FAM20C: variants seen among roughly 807,000 people sequenced by gnomAD.
FAM20C encodes FAM20C golgi associated secretory pathway kinase, also known as extracellular serine/threonine protein kinase FAM20C.
In FAM20C, 40 loss-of-function variants were observed where a neutral mutation model predicts 51.5. That is an observed-to-expected ratio of 0.78 (90% CI 0.60 to 1.01). The LOEUF is 1.01. Ranked by LOEUF, FAM20C falls within the 50% of genes least tolerant of loss-of-function variation. The pLI is 0.00. For missense variants in FAM20C, 861 were observed against 844.7 expected, an observed-to-expected ratio of 1.02 and a Z score of -0.24; for synonymous variants, 406 against 380.6, an observed-to-expected ratio of 1.07 and a Z score of -0.78.
At chr7:212,224 A>C (rs1786755738) in intron 3 of FAM20C, among the ~76,000 whole-genome samples, 1 of 152,228 alleles carries the variant, frequency 6.6e-6, no homozygotes, top group Admixed American at 6.5e-5. Context: ...GCACTTCGGG[A>C]GGCCGAGGCT....
chr7:196,152 C>T (rs1304312057), intron 2 of FAM20C, among the ~76,000 whole-genome samples: 1 of 152,182 alleles, frequency 6.6e-6, no homozygotes, highest in Non-Finnish European at 1.5e-5. Flanking sequence ...GGTGGGGAGA[C>T]AGCCATGAGC....
intron 4 of FAM20C, 35 bp downstream of exon 4, chr7:246,542 C>T (rs1182751709): frequency 4.7e-6 from 6 of 1,278,068 alleles, no homozygotes; most frequent in Admixed American, 2.6e-5. Context: ...TCCGCGCTCC[C>T]GTGCGCTCAG....
chr7:218,789 C>T (rs958582775), intron 3 of FAM20C, among the ~76,000 whole-genome samples: 3 of 152,158 alleles, frequency 2.0e-5, no homozygotes, highest in East Asian at 1.9e-4. Flanking sequence ...CCCGTCCGGC[C>T]GGGAGCTGAC....
Position 259,867 on chromosome 7 carries a change from C to T in FAM20C, c.1642C>T (p.Arg548Trp), listed in dbSNP as rs1053394665. 23 of 1,536,170 alleles carry T rather than the reference C, an allele frequency of 1.5e-5. 1 individual carries two copies. Among genetic ancestry groups the T allele is most frequent in the Admixed American group, 5.9e-5 (3 of 50,982 alleles). The change falls in exon 10 of 10, where the codon CGG becomes TGG. Residue 548 changes from arginine to tryptophan, a missense_variant. Coordinates refer to ENST00000313766, the MANE Select transcript of FAM20C (RefSeq NM_020223.4). ...LYQPHLEALD[R>W]RLRVVLKAVR... ...CCAGCCGCACCTGGAGGCCCTGGACCGGCGGCTCCGCGTCGTGCTAAAGGC... is the reference window on the plus strand; with the variant it reads ...CCAGCCGCACCTGGAGGCCCTGGACTGGCGGCTCCGCGTCGTGCTAAAGGC...
intron 3 of FAM20C, among the ~76,000 whole-genome samples, chr7:242,417 C>T (rs983318321): frequency 1.4e-4 from 20 of 141,162 alleles, no homozygotes; most frequent in East Asian, 2.5e-4. Context: ...TTCCTGGAGG[C>T]GGTGGCCAGG....
At chr7:230,385 G>GGGGGGGGGA (rs56402190) in intron 3 of FAM20C, among the ~76,000 whole-genome samples, 1 of 104,538 alleles carries the variant, frequency 9.6e-6, no homozygotes, top group Admixed American at 9.8e-5. Flanking sequence ...GGGGGGGGGG[G>GGGGGGGGGA]AACAGATCCC....
intron 4 of FAM20C, among the ~76,000 whole-genome samples, chr7:246,882 C>T (rs1156352480): frequency 6.6e-6 from 1 of 152,172 alleles, no homozygotes; most frequent in Admixed American, 6.5e-5. Flanking sequence ...TCCTAATCAT[C>T]CCTCTGTCAC....
chr7:195,533 C>T (rs777667550), intron 1 of FAM20C, 21 bp from the exon 2 acceptor site: 65 of 1,508,750 alleles, frequency 4.3e-5, no homozygotes, highest in Non-Finnish European at 4.5e-5. Context: ...TGCTGATGTT[C>T]GTCCTCGCTG....
intron 2 of FAM20C, among the ~76,000 whole-genome samples, chr7:206,276 C>A (rs1213542107): frequency 1.3e-5 from 2 of 152,224 alleles, no homozygotes; most frequent in Admixed American, 1.3e-4. Context: ...GCTGCCGCAG[C>A]CCCAGCCTCT....
chr7:257,918 A>C (rs375681231), intron 8 of FAM20C, among the ~76,000 whole-genome samples: 1,375 of 35,690 alleles, frequency 0.039, 107 homozygotes, highest in Middle Eastern at 0.075. Context: ...CTGGGTGGAC[A>C]CACTGCCTGG....
In FAM20C at chr7:193,400, C is replaced by G. The variant is rs776532676; in HGVS notation, c.201C>G (p.Pro67=). Residue 67 remains proline (P), a synonymous_variant, in exon 1 of 10, where the codon CCC becomes CCG. Transcript: ENST00000313766. ...GCTGGGCCCAGGTTCGGGGCCGCCC[C>G]GGGGAGCCCCCGGCCGCCTCCTCCG... is the stretch of plus-strand genomic sequence containing the variant. ...APGWAQVRGR[P]GEPPAASSAA... is the part of the protein sequence containing the mutation. 2.1e-6 allele frequency: 3 copies of G among 1,397,754 alleles called. No homozygotes were observed. The highest frequency in any genetic ancestry group is 2.6e-5 in the Admixed American group (1 of 39,150). 86.6% of individuals were successfully genotyped at this position (1,397,754 alleles called of 1,614,324 possible). A position where few individuals can be genotyped will look rare whatever the true frequency, so the allele number is the denominator to read the frequency against.
intron 3 of FAM20C, among the ~76,000 whole-genome samples, chr7:226,800 G>A (rs538353695): frequency 1.3e-5 from 2 of 152,344 alleles, no homozygotes; most frequent in African/African-American, 4.8e-5. Context: ...CTGGCAGCTA[G>A]ACATTTCTTT....
intron 3 of FAM20C, among the ~76,000 whole-genome samples, chr7:220,063 C>T (rs974534194): frequency 6.6e-6 from 1 of 152,190 alleles, no homozygotes; most frequent in African/African-American, 2.4e-5. Flanking sequence ...GCCTGGCACT[C>T]AGGAGCTCCT....
chr7:228,805 G>A (rs976567793), intron 3 of FAM20C: 8 of 456,014 alleles, frequency 1.8e-5, no homozygotes, highest in Admixed American at 1.4e-4. Flanking sequence ...CGGCATGAGT[G>A]GGGTCCCGGG....
At chr7:232,427 C>T (rs1465927954) in intron 3 of FAM20C, among the ~76,000 whole-genome samples, 2 of 152,208 alleles carry the variant, frequency 1.3e-5, no homozygotes, top group Non-Finnish European at 2.9e-5. Context: ...ACGCGTGGCC[C>T]TGGGTCACTG....
chr7:199,256 C>T (rs570701601), intron 2 of FAM20C, among the ~76,000 whole-genome samples: 1 of 152,368 alleles, frequency 6.6e-6, no homozygotes, highest in South Asian at 2.1e-4. Flanking sequence ...GAGATAGCAG[C>T]CTCTGGCTAG....
intron 3 of FAM20C, among the ~76,000 whole-genome samples, chr7:226,073 G>A (rs1474475515): frequency 6.6e-6 from 1 of 152,214 alleles, no homozygotes; most frequent in Non-Finnish European, 1.5e-5. Flanking sequence ...AAGAAGCAGG[G>A]GTGATCTTGG....
At position 257,097 on chromosome 7, in the gene FAM20C, C is replaced by T. The variant is rs906937520; in HGVS notation, c.1445+11C>T. 9.1e-6 allele frequency: 14 copies of T among 1,536,470 alleles called. No homozygotes were observed. In the Admixed American group the frequency reaches 2.0e-4, roughly 22 times the overall value. ...AGACAATGGAAGAGGGTGAGCCTGTCCTCGCCCCTGCACACCCAGGGAAGG... is the reference window on the plus strand; with the variant it reads ...AGACAATGGAAGAGGGTGAGCCTGTTCTCGCCCCTGCACACCCAGGGAAGG... On this transcript the variant is annotated intron_variant, in intron 8 of 9. Coordinates refer to ENST00000313766, the MANE Select transcript of FAM20C (RefSeq NM_020223.4).
chr7:219,728 G>A (rs1787166240), intron 3 of FAM20C, among the ~76,000 whole-genome samples: 1 of 152,216 alleles, frequency 6.6e-6, no homozygotes, highest in African/African-American at 2.4e-5. Flanking sequence ...TAAGGACGGG[G>A]AGGGCAGGGG....
Sources: allele counts gnomAD v4.1 joint callset (sites outside exome capture counted in the v4.1 genomes callset), GRCh38; gene constraint gnomAD v4.1.1; transcripts MANE v1.5; gene names NCBI Gene and HGNC (gene_info 2026-07-23, HGNC 2026-07-21).